Variants in AUTS2 observed in about 807,000 individuals in gnomAD.
AUTS2 encodes the protein autism susceptibility gene 2 protein.
AUTS2 carries 17 observed loss-of-function variants against 112.4 expected under a neutral mutation model. The observed-to-expected ratio is 0.15, with a 90% confidence interval of 0.10 to 0.23. AUTS2 has a LOEUF of 0.23. Ranked by LOEUF, AUTS2 falls within the 10% of genes least tolerant of loss-of-function variation. The pLI, the probability that AUTS2 is intolerant of heterozygous loss-of-function variation, is 1.00. For synonymous variants in AUTS2, 751 were observed against 702.7 expected, an observed-to-expected ratio of 1.07 and a Z score of -1.09; for missense variants, 1,510 against 1,701.6, an observed-to-expected ratio of 0.89 and a Z score of 1.98.
chr7:70,672,930 C>T (rs1807721804), intron 5 of AUTS2, among the ~76,000 whole-genome samples: 1 of 152,174 alleles, frequency 6.6e-6, no homozygotes, highest in African/African-American at 2.4e-5. Context: ...GCAGGGGAAG[C>T]TCCCATGCTA....
intron 5 of AUTS2, among the ~76,000 whole-genome samples, chr7:70,687,176 G>T (rs1017421916): frequency 6.6e-6 from 1 of 152,136 alleles, no homozygotes; most frequent in Non-Finnish European, 1.5e-5. Context: ...AATATGAAAT[G>T]CAGGTCGCTA....
chr7:70,099,708 G>T (rs1285225821), intron 2 of AUTS2, among the ~76,000 whole-genome samples: 1 of 152,048 alleles, frequency 6.6e-6, no homozygotes, highest in Non-Finnish European at 1.5e-5. Context: ...TAAAATGATG[G>T]TTATTTTTAA....
At chr7:70,172,996 C>T (rs1384436443) in intron 4 of AUTS2, among the ~76,000 whole-genome samples, 1 of 152,086 alleles carries the variant, frequency 6.6e-6, no homozygotes, top group Non-Finnish European at 1.5e-5. Flanking sequence ...ATTCACTGGC[C>T]TGGCCAGAGT....
intron 4 of AUTS2, among the ~76,000 whole-genome samples, chr7:70,411,344 A>G (rs1794768177): frequency 6.6e-6 from 1 of 152,202 alleles, no homozygotes; most frequent in South Asian, 2.1e-4. Flanking sequence ...CATGATATGC[A>G]CAAATCACCA....
chr7:70,139,687 T>A (rs1806753277), intron 4 of AUTS2, among the ~76,000 whole-genome samples: 1 of 152,134 alleles, frequency 6.6e-6, no homozygotes, highest in Admixed American at 6.6e-5. Context: ...TACACAAATT[T>A]CAACAAAGAT....
intron 1 of AUTS2, among the ~76,000 whole-genome samples, chr7:69,633,804 T>C (rs1794387458): frequency 1.3e-5 from 2 of 152,216 alleles, no homozygotes; most frequent in Non-Finnish European, 2.9e-5. Context: ...TATTTGTTTT[T>C]CTACTATTGA....
At chr7:70,298,223 G>C (rs1022585039) in intron 4 of AUTS2, among the ~76,000 whole-genome samples, 1 of 151,936 alleles carries the variant, frequency 6.6e-6, no homozygotes, top group Non-Finnish European at 1.5e-5. Flanking sequence ...GTAGAGATGG[G>C]GTTTCACCAT....
At chr7:69,656,017 T>G (rs1795515874) in intron 1 of AUTS2, among the ~76,000 whole-genome samples, 1 of 152,242 alleles carries the variant, frequency 6.6e-6, no homozygotes, top group African/African-American at 2.4e-5. Flanking sequence ...TTGTCAAGAA[T>G]TGAAAATTAA....
chr7:69,607,705 C>A (rs1236427543), intron 1 of AUTS2, among the ~76,000 whole-genome samples: 1 of 152,122 alleles, frequency 6.6e-6, no homozygotes, highest in Non-Finnish European at 1.5e-5. Context: ...CGGTGCCATA[C>A]CCCCTTGTTA....
At chr7:69,714,247 A>ATGTGTGTGTGTGTGTGTGTGTG (rs1438776720) in intron 1 of AUTS2, among the ~76,000 whole-genome samples, 11 of 42,350 alleles carry the variant, frequency 2.6e-4, no homozygotes, top group African/African-American at 6.7e-4. Context: ...ATGTGTGTGT[A>ATGTGTGTGTGTGTGTGTGTGTG]TATGTGTGTG....
intron 1 of AUTS2, among the ~76,000 whole-genome samples, chr7:69,621,013 A>G (rs760743761): frequency 6.6e-6 from 1 of 152,250 alleles, no homozygotes; most frequent in Non-Finnish European, 1.5e-5. Flanking sequence ...AGAATAGGAC[A>G]TGAAAGTACT....
intron 1 of AUTS2, among the ~76,000 whole-genome samples, chr7:69,876,349 A>AAATATATAT (rs1554396465): frequency 2.0e-4 from 6 of 29,494 alleles, no homozygotes; most frequent in African/African-American, 4.4e-4. Flanking sequence ...AAAAAAAAAA[A>AAATATATAT]ATATATATAT....
chr7:70,743,385 C>G (rs1414004123), intron 6 of AUTS2, among the ~76,000 whole-genome samples: 1 of 145,218 alleles, frequency 6.9e-6, no homozygotes, highest in Non-Finnish European at 1.5e-5. Context: ...AGGAGAACCA[C>G]TTGAACTTGG....
chr7:70,273,485 T>TATC (rs1787788683), intron 4 of AUTS2, among the ~76,000 whole-genome samples: 1 of 151,978 alleles, frequency 6.6e-6, no homozygotes, highest in Admixed American at 6.6e-5. Flanking sequence ...TTATTATTAT[T>TATC]ATTATTATTT....
chr7:70,047,487 G>T (rs1801559428), intron 2 of AUTS2, among the ~76,000 whole-genome samples: 2 of 152,152 alleles, frequency 1.3e-5, no homozygotes, highest in African/African-American at 2.4e-5. Context: ...TTAGCATAGA[G>T]CTGAACCAAA....
chr7:70,169,407 A>AT (rs1434800611), intron 4 of AUTS2, among the ~76,000 whole-genome samples: 1 of 151,678 alleles, frequency 6.6e-6, no homozygotes. Flanking sequence ...CACCTAGCTA[A>AT]TTTTTTTGTA....
intron 5 of AUTS2, among the ~76,000 whole-genome samples, chr7:70,676,779 A>C (rs929640411): frequency 1.3e-5 from 2 of 152,070 alleles, no homozygotes; most frequent in Admixed American, 6.6e-5. Context: ...CAGGAGGCTG[A>C]GGCAGAAGAA....
intron 1 of AUTS2, among the ~76,000 whole-genome samples, chr7:69,706,392 A>C (rs1336889147): frequency 6.6e-6 from 1 of 152,182 alleles, no homozygotes; most frequent in Non-Finnish European, 1.5e-5. Flanking sequence ...ATAATCCTGC[A>C]GCCGGCCTGG....
At chr7:69,776,527 C>T (rs1005302944) in intron 1 of AUTS2, among the ~76,000 whole-genome samples, 3 of 152,240 alleles carry the variant, frequency 2.0e-5, no homozygotes, top group South Asian at 2.1e-4. Flanking sequence ...GTGAGCCCCT[C>T]GCCTCAGCTT....
Sources: allele counts gnomAD v4.1 joint callset (sites outside exome capture counted in the v4.1 genomes callset), GRCh38; gene constraint gnomAD v4.1.1; transcripts MANE v1.5; gene names NCBI Gene and HGNC (gene_info 2026-07-23, HGNC 2026-07-21).